Variants in SOX6 observed in about 807,000 individuals in gnomAD.
SOX6 encodes transcription factor SOX-6.
In SOX6, 11 loss-of-function variants were observed where a neutral mutation model predicts 97.8. The ratio of observed to expected loss-of-function variants is 0.11; its 90% confidence interval spans 0.07 to 0.19. The LOEUF (loss-of-function observed/expected upper bound fraction) is 0.19. Ranked by LOEUF, SOX6 falls within the 10% of genes least tolerant of loss-of-function variation. SOX6 has a pLI of 1.00. For synonymous variants in SOX6, 360 were observed against 371.4 expected, an observed-to-expected ratio of 0.97 and a Z score of 0.35; for missense variants, 810 against 1,039.5, an observed-to-expected ratio of 0.78 and a Z score of 3.04.
intron 6 of SOX6, among the ~76,000 whole-genome samples, chr11:16,116,128 T>C (rs540592823): frequency 2.6e-5 from 4 of 152,172 alleles, no homozygotes; most frequent in Non-Finnish European, 4.4e-5. Context: ...AGTTAGACTC[T>C]AGCCTGAGAA....
At chr11:16,548,776 T>C (rs1847648534) in intron 4 of SOX6, among the ~76,000 whole-genome samples, 1 of 152,064 alleles carries the variant, frequency 6.6e-6, no homozygotes, top group African/African-American at 2.4e-5. Context: ...GTGACTATAG[T>C]CAATAACAAT....
intron 15 of SOX6, among the ~76,000 whole-genome samples, chr11:15,984,063 C>T (rs192407786): frequency 4.7e-4 from 72 of 152,218 alleles, no homozygotes; most frequent in Non-Finnish European, 6.3e-4. Flanking sequence ...CTCTTTATCA[C>T]CTTTCTGTAG....
At chr11:16,606,927 G>A (rs1442122880) in intron 4 of SOX6, among the ~76,000 whole-genome samples, 16 of 152,160 alleles carry the variant, frequency 1.1e-4, no homozygotes, top group African/African-American at 3.6e-4. Flanking sequence ...CGGGATCAGC[G>A]CGTCCACCAG....
intron 4 of SOX6, among the ~76,000 whole-genome samples, chr11:16,491,640 C>G (rs941767126): frequency 6.6e-6 from 1 of 152,006 alleles, no homozygotes; most frequent in African/African-American, 2.4e-5. Context: ...CTTGATCTAT[C>G]AGATATCAAG....
chr11:16,285,730 CAA>C (rs1392750789), intron 3 of SOX6, among the ~76,000 whole-genome samples: 1 of 152,006 alleles, frequency 6.6e-6, no homozygotes, highest in Non-Finnish European at 1.5e-5. Context: ...ATGATCATCA[CAA>C]AGACTCAGAG....
chr11:16,361,029 A>C (rs572993190), upstream of SOX6, among the ~76,000 whole-genome samples: 1 of 150,534 alleles, frequency 6.6e-6, no homozygotes, highest in African/African-American at 2.5e-5. Flanking sequence ...AAGAAGAAGA[A>C]GTTTTCAAAA....
intron 1 of SOX6, among the ~76,000 whole-genome samples, chr11:16,472,940 A>G (rs1221578687): frequency 6.6e-6 from 1 of 152,182 alleles, no homozygotes; most frequent in East Asian, 1.9e-4. Context: ...AGTTTACAAC[A>G]ATGTATACAT....
chr11:16,436,850 C>A (rs1373944394), intron 1 of SOX6, among the ~76,000 whole-genome samples: 2 of 152,100 alleles, frequency 1.3e-5, no homozygotes, highest in Non-Finnish European at 2.9e-5. Flanking sequence ...ATTCAATATG[C>A]ATGTAGCCAC....
At chr11:16,261,481 G>A in intron 3 of SOX6, among the ~76,000 whole-genome samples, 1 of 151,960 alleles carries the variant, frequency 6.6e-6, no homozygotes, top group East Asian at 1.9e-4. Flanking sequence ...ATTTCAAAGG[G>A]AGTACTGGTA....
At chr11:16,385,365 C>T (rs989757051) in intron 1 of SOX6, among the ~76,000 whole-genome samples, 1 of 152,006 alleles carries the variant, frequency 6.6e-6, no homozygotes, top group Non-Finnish European at 1.5e-5. Flanking sequence ...CAACATATAA[C>T]ATTTTTAATA....
intron 3 of SOX6, among the ~76,000 whole-genome samples, chr11:16,305,310 A>G (rs1300898590): frequency 6.6e-6 from 1 of 152,256 alleles, no homozygotes; most frequent in East Asian, 1.9e-4. Context: ...GTGTGAAATA[A>G]TGTTCAACAT....
intron 13 of SOX6, among the ~76,000 whole-genome samples, chr11:16,008,021 C>A (rs1405322319): frequency 6.6e-6 from 1 of 152,048 alleles, no homozygotes; most frequent in Non-Finnish European, 1.5e-5. Flanking sequence ...CCTACAGATA[C>A]CAAAATCCTC....
At chr11:16,197,438 G>A (rs1313833906) in intron 4 of SOX6, among the ~76,000 whole-genome samples, 1 of 152,152 alleles carries the variant, frequency 6.6e-6, no homozygotes, top group Non-Finnish European at 1.5e-5. Context: ...TTACAGTGCT[G>A]AGTATATATG....
intron 3 of SOX6, among the ~76,000 whole-genome samples, chr11:16,645,151 C>T (rs76106442): frequency 0.011 from 1,707 of 152,308 alleles, 24 homozygotes; most frequent in African/African-American, 0.039. Context: ...ATTCTGTTTT[C>T]CTTTTCATCC....
At chr11:16,267,878 A>G (rs980255026) in intron 3 of SOX6, among the ~76,000 whole-genome samples, 5 of 151,626 alleles carry the variant, frequency 3.3e-5, no homozygotes, top group African/African-American at 1.2e-4. Context: ...ATAAAGGAAG[A>G]AAGATGTCAT....
At chr11:16,076,217 G>A (rs1223879002) in intron 9 of SOX6, among the ~76,000 whole-genome samples, 5 of 151,950 alleles carry the variant, frequency 3.3e-5, no homozygotes, top group East Asian at 1.9e-4. Flanking sequence ...ATTTAATGAC[G>A]AAGATACCAA....
chr11:15,986,740 T>C (rs1306060247), intron 14 of SOX6, among the ~76,000 whole-genome samples: 6 of 152,210 alleles, frequency 3.9e-5, no homozygotes, highest in African/African-American at 1.2e-4. Flanking sequence ...TCAACAGGGA[T>C]AAAAGGCTAA....
intron 4 of SOX6, among the ~76,000 whole-genome samples, chr11:16,208,184 T>C (rs1359181899): frequency 6.6e-6 from 1 of 152,214 alleles, no homozygotes; most frequent in Non-Finnish European, 1.5e-5. Context: ...AAACATTTAA[T>C]TCTATGGGAA....
chr11:16,161,097 T>G (rs548882172), intron 6 of SOX6, among the ~76,000 whole-genome samples: 11 of 152,202 alleles, frequency 7.2e-5, no homozygotes, highest in African/African-American at 2.6e-4. Flanking sequence ...ATTTGCCAGT[T>G]TCCATGGTGT....
Sources: allele counts gnomAD v4.1 joint callset (sites outside exome capture counted in the v4.1 genomes callset), GRCh38; gene constraint gnomAD v4.1.1; transcripts MANE v1.5; gene names NCBI Gene and HGNC (gene_info 2026-07-23, HGNC 2026-07-21).